RBFOX3: variants seen among roughly 807,000 people sequenced by gnomAD.
RBFOX3 encodes the protein RNA binding fox-1 homolog 3, also known as RNA binding protein fox-1 homolog 3.
In RBFOX3, 17 loss-of-function variants were observed where a neutral mutation model predicts 48.7. The observed-to-expected ratio is 0.35, with a 90% CI of 0.24 to 0.52. The LOEUF (loss-of-function observed/expected upper bound fraction) is 0.52, where lower values mean the gene tolerates loss of function less well. Among genes scored for constraint, RBFOX3 ranks in the 20% least tolerant of loss-of-function variants. The pLI is 0.94. For synonymous variants in RBFOX3, 212 were observed against 209.5 expected (o/e 1.01, Z -0.10); for missense variants, 382 against 497.5 (o/e 0.77, Z 2.21).
At chr17:79,368,526 C>A (rs2058097434) in intron 2 of RBFOX3, among the ~76,000 whole-genome samples, 1 of 152,262 alleles carries the variant, frequency 6.6e-6, no homozygotes, top group South Asian at 2.1e-4. Flanking sequence ...CCCGCACCTG[C>A]TGCCTTGGTC....
intron 2 of RBFOX3, among the ~76,000 whole-genome samples, chr17:79,360,324 CA>C (rs369079036): frequency 2.2e-4 from 34 of 152,282 alleles, no homozygotes; most frequent in African/African-American, 6.0e-4. Flanking sequence ...CCTGGGCCTG[CA>C]GGGAACCAAG....
At chr17:79,161,233 A>C (rs537496454) in intron 4 of RBFOX3, among the ~76,000 whole-genome samples, 2 of 152,282 alleles carry the variant, frequency 1.3e-5, no homozygotes, top group East Asian at 3.9e-4. Flanking sequence ...AGGATGCACA[A>C]GAGTGAGTGA....
At chr17:79,177,618 T>C (rs1311564368) in intron 4 of RBFOX3, among the ~76,000 whole-genome samples, 1 of 152,064 alleles carries the variant, frequency 6.6e-6, no homozygotes, top group Non-Finnish European at 1.5e-5. Context: ...CAAGCCCAGG[T>C]CCTCAGGTGG....
the RBFOX3 span, among the ~76,000 whole-genome samples, chr17:79,654,308 A>G: frequency 6.6e-6 from 1 of 152,148 alleles, no homozygotes; most frequent in Non-Finnish European, 1.5e-5. Flanking sequence ...CTACCCTCCA[A>G]AGAATTTTTT....
Position 79,377,486 on chromosome 17 carries a change from C to A in RBFOX3, c.-174-69662G>T, listed in dbSNP as rs144315560. 6.7e-4 allele frequency among the ~76,000 whole-genome samples: 102 copies of A among 152,322 alleles called. 2 individuals carry two copies. The highest frequency in any genetic ancestry group is 3.4e-3 in the Middle Eastern group (1 of 294). ...ACGCACACACACACACCATGCTCAG[C>A]GACATCACTCCGAGTTGGTGACATC... On this transcript the variant is annotated intron_variant, in intron 2 of 14. Coordinates refer to ENST00000693108, the MANE Select transcript of RBFOX3 (RefSeq NM_001350451.2).
chr17:79,467,971 G>C (rs935214098), intron 2 of RBFOX3, among the ~76,000 whole-genome samples: 17 of 151,990 alleles, frequency 1.1e-4, no homozygotes, highest in African/African-American at 4.1e-4. Context: ...CCCAGGAGAC[G>C]GTTCTTCTCC....
chr17:79,237,763 C>T (rs996145058), intron 3 of RBFOX3, among the ~76,000 whole-genome samples: 3 of 152,172 alleles, frequency 2.0e-5, no homozygotes, highest in Non-Finnish European at 2.9e-5. Flanking sequence ...TGTTCTCCTC[C>T]CCAGTAAAAT....
At chr17:79,330,019 C>T (rs1010108452) in intron 2 of RBFOX3, among the ~76,000 whole-genome samples, 1 of 152,202 alleles carries the variant, frequency 6.6e-6, no homozygotes, top group Non-Finnish European at 1.5e-5. Context: ...CCCAGGCCTG[C>T]ATCTCTCAGC....
intron 2 of RBFOX3, among the ~76,000 whole-genome samples, chr17:79,398,864 G>A (rs983920427): frequency 1.3e-5 from 2 of 152,194 alleles, no homozygotes; most frequent in African/African-American, 4.8e-5. Context: ...TCTAAGATAA[G>A]TTGAAGCGCA....
chr17:79,264,126 C>G (rs1308029595), intron 3 of RBFOX3, among the ~76,000 whole-genome samples: 2 of 148,942 alleles, frequency 1.3e-5, no homozygotes, highest in Non-Finnish European at 3.0e-5. Flanking sequence ...GAGTTTTGCT[C>G]TTGTTGCCCA....
intron 1 of RBFOX3, among the ~76,000 whole-genome samples, chr17:79,609,016 G>A (rs2093907683): frequency 6.7e-6 from 1 of 148,372 alleles, no homozygotes. Flanking sequence ...GCTTTCATCA[G>A]GCAGCGCCTT....
At chr17:79,109,752 T>A (rs761254287) in intron 5 of RBFOX3, among the ~76,000 whole-genome samples, 4 of 152,172 alleles carry the variant, frequency 2.6e-5, no homozygotes, top group Non-Finnish European at 5.9e-5. Flanking sequence ...CACACAGCTC[T>A]GGCCTCTGAG....
At chr17:79,227,629 A>G (rs1220524065) in intron 4 of RBFOX3, among the ~76,000 whole-genome samples, 1 of 152,072 alleles carries the variant, frequency 6.6e-6, no homozygotes, top group African/African-American at 2.4e-5. Flanking sequence ...GGCGGCGGTT[A>G]CTCACTCTTC....
chr17:79,647,650 C>A, the RBFOX3 span, among the ~76,000 whole-genome samples: 5 of 152,312 alleles, frequency 3.3e-5, no homozygotes, highest in East Asian at 7.7e-4. Flanking sequence ...GAAGCACATG[C>A]CACACAGAGC....
chr17:79,120,189 G>A (rs374726488), intron 4 of RBFOX3, among the ~76,000 whole-genome samples: 16 of 152,286 alleles, frequency 1.1e-4, no homozygotes, highest in African/African-American at 3.1e-4. Context: ...TACATTCTCA[G>A]AGAATGGGGA....
chr17:79,315,362 C>A (rs556610278), intron 2 of RBFOX3, among the ~76,000 whole-genome samples: 2 of 152,196 alleles, frequency 1.3e-5, no homozygotes, highest in Non-Finnish European at 2.9e-5. Context: ...TTCTCCATAC[C>A]GAGAAGGAGG....
chr17:79,164,798 C>A (rs927168683), intron 4 of RBFOX3, among the ~76,000 whole-genome samples: 3 of 152,134 alleles, frequency 2.0e-5, no homozygotes, highest in Non-Finnish European at 2.9e-5. Context: ...GCCTGGGCAG[C>A]GGGCTGGGAG....
At chr17:79,267,850 AAGG>A (rs1480863104) in intron 3 of RBFOX3, among the ~76,000 whole-genome samples, 5 of 152,100 alleles carry the variant, frequency 3.3e-5, no homozygotes, top group African/African-American at 7.2e-5. Context: ...GGCAAGGTAG[AAGG>A]AGGAGGAGCT....
chr17:79,620,010 TGC>T, the RBFOX3 span, among the ~76,000 whole-genome samples: 1 of 148,498 alleles, frequency 6.7e-6, no homozygotes, highest in Non-Finnish European at 1.5e-5. Context: ...CACATGCACA[TGC>T]ACACACACAC....
Sources: gnomAD v4.1 joint callset for allele counts (sites outside exome capture counted in the v4.1 genomes callset) on GRCh38, gnomAD v4.1.1 for gene constraint, MANE v1.5 for transcripts, NCBI Gene and HGNC (gene_info 2026-07-23, HGNC 2026-07-21) for gene names.